Variants in RGS20 observed in about 807,000 individuals in gnomAD.
RGS20 encodes gz-selective GTPase-activating protein.
Under a neutral mutation model 33.6 loss-of-function variants are expected in RGS20, and 30 were observed. That is an observed-to-expected ratio of 0.89 (90% CI 0.67 to 1.21). RGS20 has a LOEUF of 1.21. Among genes scored for constraint, RGS20 ranks in the 50% most tolerant of loss-of-function variants. The pLI is 0.00. For synonymous variants in RGS20, 208 were observed against 197.9 expected (o/e 1.05, Z -0.43); for missense variants, 472 against 502.4 (o/e 0.94, Z 0.58).
rs549202075 is a variant in RGS20 at position 53,917,154 on chromosome 8, GT to G, written c.511-22418del. On this transcript the variant is annotated intron_variant, in intron 2 of 5. Transcript: ENST00000297313. ...TTTGGTTGGTTTTTTGTTTTGTTTT[GT>G]TTTGTTTTTGAGATGGAATTTCACT... 5.8e-3 allele frequency among the ~76,000 whole-genome samples: 879 copies of G among 152,008 alleles called. 14 individuals carry two copies. Among genetic ancestry groups the G allele is most frequent in the African/African-American group, 0.02 (827 of 41,454 alleles).
chr8:53,889,723 CTGTGTGTG>C lies in RGS20; in HGVS notation c.510+10148_510+10155del, dbSNP rs66766851. Among the ~76,000 whole-genome samples the C allele has an allele frequency of 2.7e-3, 396 of 146,100 alleles. 2 individuals are homozygous for C. Among genetic ancestry groups the C allele is most frequent in the African/African-American group, 8.8e-3 (351 of 39,920 alleles). ...TGGATACAAGCCATCTGTCAAAATTCTGTGTGTGTGTGTGTGTGTGTGTGTGTGTGTGT... is the reference window on the plus strand; with the variant it reads ...TGGATACAAGCCATCTGTCAAAATTCTGTGTGTGTGTGTGTGTGTGTGTGT... On this transcript the variant is annotated intron_variant, in intron 2 of 5. Coordinates refer to ENST00000297313, the MANE Select transcript of RGS20 (RefSeq NM_170587.4).
At chr8:53,907,267 G>C (rs997937037) in intron 2 of RGS20, among the ~76,000 whole-genome samples, 4 of 151,984 alleles carry the variant, frequency 2.6e-5, no homozygotes, top group African/African-American at 9.7e-5. Context: ...TCTATGTCTT[G>C]TTAGCCTTCC....
chr8:53,909,962 C>G (rs1289235480), intron 2 of RGS20, among the ~76,000 whole-genome samples: 2 of 151,978 alleles, frequency 1.3e-5, no homozygotes, highest in South Asian at 2.1e-4. Flanking sequence ...ATGAAGGTGA[C>G]CAGTAGATAG....
intron 1 of RGS20, among the ~76,000 whole-genome samples, chr8:53,867,607 T>A (rs1338099766): frequency 2.6e-5 from 4 of 152,188 alleles, no homozygotes; most frequent in African/African-American, 9.7e-5. Flanking sequence ...CCTGTTGGTA[T>A]CTAAAACACT....
chr8:53,948,208 T>C (rs1255677402), intron 4 of RGS20, among the ~76,000 whole-genome samples: 1 of 126,404 alleles, frequency 7.9e-6, no homozygotes, highest in African/African-American at 2.7e-5. Context: ...ATATGCTATA[T>C]ATAAGATAGT....
intron 3 of RGS20, among the ~76,000 whole-genome samples, chr8:53,941,571 T>C (rs890768078): frequency 2.0e-5 from 3 of 152,220 alleles, no homozygotes; most frequent in African/African-American, 7.2e-5. Flanking sequence ...AACAATCTCA[T>C]GTCAATGACA....
chr8:53,879,410 C>G lies in RGS20; in HGVS notation c.318C>G (p.Pro106=), dbSNP rs566628228. The G allele has an allele frequency of 1.7e-5, 27 of 1,609,824 alleles. No individual in the cohort carries two copies. The East Asian group carries it at 2.5e-4, about 15-fold the overall frequency. ...CCCGGAGGCGCCTGGACTTCTCCCC[C>G]CTGCTTCCCGCCCTGCCGGCCGCCC... is the stretch of plus-strand genomic sequence containing the variant. The change falls in exon 2 of 6, where the codon CCC becomes CCG. Residue 106 remains proline, a synonymous_variant. Transcript: ENST00000297313.
At chr8:53,952,738 TAAAG>T (rs1331406528) in intron 4 of RGS20, among the ~76,000 whole-genome samples, 1 of 151,720 alleles carries the variant, frequency 6.6e-6, no homozygotes, top group Non-Finnish European at 1.5e-5. Context: ...GAAAATAAAA[TAAAG>T]AAATAAAAAC....
chr8:53,879,687 C>A, intron 2 of RGS20: 1 of 1,165,166 alleles, frequency 8.6e-7, no homozygotes, highest in Non-Finnish European at 1.2e-6. Context: ...CCCAACTGAC[C>A]CGCTCCGCTG....
chr8:53,902,954 G>A (rs1813071357), intron 2 of RGS20, among the ~76,000 whole-genome samples: 1 of 152,178 alleles, frequency 6.6e-6, no homozygotes, highest in African/African-American at 2.4e-5. Flanking sequence ...TCGAACTTCT[G>A]ACCTCGGGGG....
rs138564916 is a variant in RGS20 at position 53,954,250 on chromosome 8, T to C, written c.918T>C (p.Ile306=). 2.4e-5 allele frequency: 38 copies of C among 1,613,872 alleles called. No individual in the cohort carries two copies. The African/African-American group carries it at 5.1e-4, about 22-fold the overall frequency. Residue 306 remains isoleucine, a synonymous_variant, in exon 5 of 6, where the codon ATT becomes ATC. Transcript: ENST00000297313. ...TGAAAAAGGAAGCTAATAAAAACAT[T>C]ATTGAAGAGAAAGCAAGGATAATCT...
Position 53,958,691 on chromosome 8 carries a change from C to A in RGS20, c.*233C>A, listed in dbSNP as rs982044896. 4.3e-5 allele frequency: 10 copies of A among 233,154 alleles called. No individual in the cohort carries two copies. Among genetic ancestry groups the A allele is most frequent in the Non-Finnish European group, 7.2e-5 (9 of 124,246 alleles). 14.4% of individuals were successfully genotyped at this position (233,154 alleles called of 1,614,324 possible). ...GGATATGGCTGTTGTAGAAAGATAG[C>A]GTATTTGCATTTACAATAACAGTAG... On this transcript the variant is annotated 3_prime_UTR_variant, in exon 6 of 6. Transcript: ENST00000297313.
intron 2 of RGS20, chr8:53,913,758 G>A (rs1373329609): frequency 2.6e-5 from 4 of 152,326 alleles, no homozygotes; most frequent in African/African-American, 9.7e-5. Flanking sequence ...TGACGGTTTG[G>A]TTTTGAACTT....
chr8:53,874,433 T>G (rs952228815), intron 1 of RGS20, among the ~76,000 whole-genome samples: 2 of 151,814 alleles, frequency 1.3e-5, no homozygotes, highest in Non-Finnish European at 1.5e-5. Context: ...CATCTGTGTG[T>G]TACATGGGGA....
At chr8:53,952,693 T>A (rs182421707) in intron 4 of RGS20, among the ~76,000 whole-genome samples, 150 of 152,144 alleles carry the variant, frequency 9.9e-4, no homozygotes, top group Non-Finnish European at 1.4e-3. Flanking sequence ...GCCATTGTAC[T>A]CCAGCCTGGG....
intron 2 of RGS20, among the ~76,000 whole-genome samples, chr8:53,911,503 C>T (rs73589217): frequency 0.07 from 10,701 of 151,958 alleles, 1,163 homozygotes; most frequent in African/African-American, 0.23. Context: ...TTAATGCCAA[C>T]GTATTTGAAA....
At chr8:53,861,153 A>G (rs1463835973) in intron 1 of RGS20, among the ~76,000 whole-genome samples, 4 of 152,200 alleles carry the variant, frequency 2.6e-5, no homozygotes, top group Non-Finnish European at 4.4e-5. Flanking sequence ...TTTTATATCT[A>G]TCACCCACAA....
intron 2 of RGS20, among the ~76,000 whole-genome samples, chr8:53,917,041 G>A (rs1435280438): frequency 6.6e-6 from 1 of 152,160 alleles, no homozygotes; most frequent in African/African-American, 2.4e-5. Flanking sequence ...AATGAATTTT[G>A]TGGTAGACAT....
chr8:53,880,803 G>T (rs1416648893), intron 2 of RGS20, 69 bp from the exon 1 acceptor site: 2 of 1,322,000 alleles, frequency 1.5e-6, no homozygotes, highest in African/African-American at 1.5e-5. Context: ...GGAGTGCGCC[G>T]CCGCTGGAGG....
Sources: gnomAD v4.1 joint callset for allele counts (sites outside exome capture counted in the v4.1 genomes callset) on GRCh38, gnomAD v4.1.1 for gene constraint, MANE v1.5 for transcripts, NCBI Gene and HGNC (gene_info 2026-07-23, HGNC 2026-07-21) for gene names.